STEAP1B: variants seen among roughly 807,000 people sequenced by gnomAD.
STEAP1B encodes the protein STEAP family member 1B, also known as STEAP family protein MGC87042.
A neutral mutation model predicts 27.9 loss-of-function variants in STEAP1B; 13 were observed. The ratio of observed to expected loss-of-function variants is 0.47; its 90% CI spans 0.30 to 0.74. The LOEUF (loss-of-function observed/expected upper bound fraction) is 0.74. Among genes scored for constraint, STEAP1B ranks in the 30% least tolerant of loss-of-function variants. The probability of loss-of-function intolerance (pLI) is 0.06; values close to 1 mark genes in which losing one functional copy is unlikely to be tolerated. For synonymous variants in STEAP1B, 86 were observed against 107.1 expected (o/e 0.80, Z 1.22); for missense variants, 250 against 298.7 (o/e 0.84, Z 1.20).
At chr7:22,438,422 C>T in intron 4 of STEAP1B, 2 of 1,485,096 alleles carry the variant, frequency 1.3e-6, no homozygotes, top group Non-Finnish European at 1.8e-6. Flanking sequence ...CCAGCTTCTA[C>T]CATGGTCTGG....
At chr7:22,421,009 T>C (rs1432241264) in intron 4 of STEAP1B, among the ~76,000 whole-genome samples, 1 of 152,198 alleles carries the variant, frequency 6.6e-6, no homozygotes, top group African/African-American at 2.4e-5. Context: ...TTAGAGAACA[T>C]ACTAGAAGAA....
At chr7:22,488,640 G>A (rs1320403749) in intron 4 of STEAP1B, among the ~76,000 whole-genome samples, 2 of 152,192 alleles carry the variant, frequency 1.3e-5, no homozygotes, top group Non-Finnish European at 2.9e-5. Context: ...AAAGTTCTTG[G>A]TAGGTTCTGC....
intron 4 of STEAP1B, among the ~76,000 whole-genome samples, chr7:22,451,206 A>T (rs754932272): frequency 2.0e-5 from 3 of 151,862 alleles, no homozygotes; most frequent in African/African-American, 7.3e-5. Context: ...AAAAAAAAAG[A>T]AAAGAAAATT....
intron 4 of STEAP1B, among the ~76,000 whole-genome samples, chr7:22,475,928 C>T (rs1255517169): frequency 2.0e-5 from 3 of 152,332 alleles, no homozygotes; most frequent in Non-Finnish European, 4.4e-5. Context: ...TCCTGTCCAG[C>T]CCACCACCAC....
At chr7:22,461,488 C>G (rs1785678108) in intron 4 of STEAP1B, among the ~76,000 whole-genome samples, 1 of 152,134 alleles carries the variant, frequency 6.6e-6, no homozygotes, top group South Asian at 2.1e-4. Context: ...GTCTTGAACT[C>G]CTGACCTCAG....
chr7:22,438,324 C>G (rs998724444), intron 4 of STEAP1B: 13 of 832,836 alleles, frequency 1.6e-5, no homozygotes, highest in Non-Finnish European at 2.3e-5. Context: ...GCACTTGTCC[C>G]ACATGTTTTA....
At position 22,492,718 on chromosome 7, in the gene STEAP1B, A is replaced by G. The variant is rs1786352484; in HGVS notation, c.609T>C (p.Asn203=). The change falls in exon 4 of 5, where the codon AAT becomes AAC. Residue 203 remains asparagine, a synonymous_variant. Coordinates refer to ENST00000678116, the MANE Select transcript of STEAP1B (RefSeq NM_001382447.1). ...CATGCTCAATCCAGGCATCTTCTTT[A>G]TTTTGTTGGACCTACCAGAAGGTAA... The part of the protein sequence containing the change: ...LNWAYQQVQQ[N]KEDAWIEHDV... 1 of 1,590,764 alleles carries G rather than the reference A, an allele frequency of 6.3e-7. No individual in the cohort carries two copies. The highest frequency in any genetic ancestry group is 8.5e-7 in the Non-Finnish European group (1 of 1,173,028).
chr7:22,431,950 T>C (rs1057305607), intron 4 of STEAP1B, among the ~76,000 whole-genome samples: 1 of 152,200 alleles, frequency 6.6e-6, no homozygotes, highest in Non-Finnish European at 1.5e-5. Flanking sequence ...CATTCCTTGC[T>C]GGTCCTTGCT....
intron 4 of STEAP1B, among the ~76,000 whole-genome samples, chr7:22,461,981 T>A (rs1025991915): frequency 6.6e-6 from 1 of 152,192 alleles, no homozygotes; most frequent in African/African-American, 2.4e-5. Flanking sequence ...AAACGCTTGG[T>A]AATAGTTACC....
At position 22,436,400 on chromosome 7, in the gene STEAP1B, A is replaced by G. The variant is rs180991002; in HGVS notation, c.763-16564T>C. Among the ~76,000 whole-genome samples the G allele has an allele frequency of 6.4e-4, 97 of 150,470 alleles. 1 individual carries two copies. The highest frequency in any genetic ancestry group is 6.8e-3 in the Middle Eastern group (2 of 292). ...TGTGTGTGTCATGAGAACACTAAAA[A>G]TCTATCCCTTAGCCATTTTTTTAAA... On this transcript the variant is annotated intron_variant, in intron 4 of 4. Transcript: ENST00000678116.
At chr7:22,495,590 C>T (rs979759512) in intron 1 of STEAP1B, 8 of 152,252 alleles carry the variant, frequency 5.3e-5, no homozygotes, top group South Asian at 2.1e-4. Flanking sequence ...GGAAAGAAAA[C>T]ATATGTCACA....
chr7:22,471,768 T>C (rs1174701725), intron 4 of STEAP1B, among the ~76,000 whole-genome samples: 2 of 151,932 alleles, frequency 1.3e-5, no homozygotes, highest in African/African-American at 4.8e-5. Flanking sequence ...CCAGATGTGG[T>C]GCTACATACT....
At chr7:22,490,772 G>C (rs1433313566) in intron 4 of STEAP1B, among the ~76,000 whole-genome samples, 1 of 152,120 alleles carries the variant, frequency 6.6e-6, no homozygotes, top group South Asian at 2.1e-4. Flanking sequence ...ATTTCCTTTT[G>C]GCAGAGGCAT....
chr7:22,467,169 A>C (rs189489087), intron 4 of STEAP1B, among the ~76,000 whole-genome samples: 80 of 152,320 alleles, frequency 5.3e-4, no homozygotes, highest in African/African-American at 1.9e-3. Flanking sequence ...TCCCTTTGCC[A>C]ATTTTATTTA....
chr7:22,462,434 A>C (rs1278307165), intron 4 of STEAP1B, among the ~76,000 whole-genome samples: 1 of 119,132 alleles, frequency 8.4e-6, no homozygotes, highest in African/African-American at 3.2e-5. Context: ...TCCTGTGTCC[A>C]TGTGTTCTCA....
At chr7:22,456,972 A>ATATATATATATATATATATATATTTTTTT in intron 4 of STEAP1B, among the ~76,000 whole-genome samples, 1 of 57,044 alleles carries the variant, frequency 1.8e-5, no homozygotes, top group South Asian at 1.0e-3. Context: ...ATATATATAT[A>ATATATATATATATATATATATATTTTTTT]TTTTTTTTTT....
chr7:22,465,702 C>A (rs1408196947), intron 4 of STEAP1B, among the ~76,000 whole-genome samples: 1 of 152,134 alleles, frequency 6.6e-6, no homozygotes, highest in Non-Finnish European at 1.5e-5. Flanking sequence ...CCAGAGCCAG[C>A]AAAAGAGACA....
intron 4 of STEAP1B, among the ~76,000 whole-genome samples, chr7:22,490,616 A>G (rs1786305179): frequency 6.6e-6 from 1 of 152,208 alleles, no homozygotes; most frequent in African/African-American, 2.4e-5. Context: ...TATATGCACA[A>G]CACCTAGGAG....
chr7:22,487,173 C>A (rs1034916531), intron 4 of STEAP1B, among the ~76,000 whole-genome samples: 35 of 152,162 alleles, frequency 2.3e-4, no homozygotes, highest in African/African-American at 8.2e-4. Context: ...GTGGCTCATG[C>A]CTGAAATCCC....
Sources: gnomAD v4.1 joint callset for allele counts (sites outside exome capture counted in the v4.1 genomes callset) on GRCh38, gnomAD v4.1.1 for gene constraint, MANE v1.5 for transcripts, NCBI Gene and HGNC (gene_info 2026-07-23, HGNC 2026-07-21) for gene names.